NEGR1: variants seen among roughly 807,000 people sequenced by gnomAD.
NEGR1 encodes neuronal growth regulator 1.
Under a neutral mutation model 40.9 loss-of-function variants are expected in NEGR1, and 10 were observed. The ratio of observed to expected loss-of-function variants is 0.24; its 90% CI spans 0.15 to 0.42. The LOEUF (loss-of-function observed/expected upper bound fraction) is 0.42, where lower values mean the gene tolerates loss of function less well. NEGR1 is among the 10% of genes least tolerant of loss of function. The pLI, the probability that NEGR1 is intolerant of heterozygous loss-of-function variation, is 1.00. For synonymous variants in NEGR1, 185 were observed against 166.8 expected (o/e 1.11, Z -0.84); for missense variants, 352 against 438.9 (o/e 0.80, Z 1.77).
At chr1:71,999,448 A>G (rs2630419) in intron 1 of NEGR1, among the ~76,000 whole-genome samples, 37,714 of 150,286 alleles carry the variant, frequency 0.25, 5,453 homozygotes, top group African/African-American at 0.39. Flanking sequence ...AAGAAAGTTA[A>G]ATATATCAGA....
At chr1:71,898,904 T>TATTTGCAAATATATATA (rs1557692721) in intron 2 of NEGR1, among the ~76,000 whole-genome samples, 7 of 135,808 alleles carry the variant, frequency 5.2e-5, no homozygotes, top group African/African-American at 2.0e-4. Flanking sequence ...TGCAAATATA[T>TATTTGCAAATATATATA]ATATATTGCA....
intron 1 of NEGR1, among the ~76,000 whole-genome samples, chr1:72,135,422 C>CAAAAAAAAAAAAAAA (rs71074820): frequency 2.0e-5 from 2 of 102,264 alleles, no homozygotes; most frequent in Non-Finnish European, 3.8e-5. Context: ...AAAACAAAAC[C>CAAAAAAAAAAAAAAA]AAAAAAAAAA....
At chr1:71,552,760 A>G (rs1018391326) in intron 6 of NEGR1, among the ~76,000 whole-genome samples, 2 of 151,234 alleles carry the variant, frequency 1.3e-5, no homozygotes, top group African/African-American at 4.8e-5. Flanking sequence ...CCTGAATAAA[A>G]TCTGGGTTTA....
chr1:72,156,629 T>G (rs1545932), intron 1 of NEGR1, among the ~76,000 whole-genome samples: 6,423 of 152,222 alleles, frequency 0.042, 448 homozygotes, highest in African/African-American at 0.15. Flanking sequence ...TACCATAGTC[T>G]TTTTTCATTC....
intron 1 of NEGR1, among the ~76,000 whole-genome samples, chr1:72,252,758 A>G (rs1294273777): frequency 2.6e-5 from 4 of 152,266 alleles, no homozygotes; most frequent in African/African-American, 9.6e-5. Flanking sequence ...ACCCATGTCC[A>G]TTTGGGGGTA....
intron 1 of NEGR1, among the ~76,000 whole-genome samples, chr1:72,203,717 ATG>A (rs376038593): frequency 1.2e-4 from 18 of 152,208 alleles, no homozygotes; most frequent in East Asian, 1.2e-3. Context: ...GAATCAATTA[ATG>A]TGTCAAACTT....
At chr1:71,491,865 G>C (rs946467429) in intron 6 of NEGR1, among the ~76,000 whole-genome samples, 1 of 152,044 alleles carries the variant, frequency 6.6e-6, no homozygotes, top group East Asian at 1.9e-4. Flanking sequence ...TTGAATGTAC[G>C]TGTCCCTCCA....
chr1:71,780,414 G>A (rs1404187509), intron 2 of NEGR1, among the ~76,000 whole-genome samples: 1 of 152,142 alleles, frequency 6.6e-6, no homozygotes, highest in Non-Finnish European at 1.5e-5. Flanking sequence ...AAAGGCAGAA[G>A]TCCTAGATTT....
chr1:71,916,429 A>C (rs1661586120), intron 2 of NEGR1, among the ~76,000 whole-genome samples: 1 of 152,180 alleles, frequency 6.6e-6, no homozygotes, highest in African/African-American at 2.4e-5. Flanking sequence ...GAAACACTGA[A>C]AATGTAAAGA....
intron 1 of NEGR1, among the ~76,000 whole-genome samples, chr1:72,258,597 G>T (rs954952400): frequency 6.6e-6 from 1 of 151,966 alleles, no homozygotes; most frequent in African/African-American, 2.4e-5. Flanking sequence ...TGGATTCCAC[G>T]GGGCAATTAA....
At position 71,983,864 on chromosome 1, in the gene NEGR1, A is replaced by G. The variant is rs17092028; in HGVS notation, c.177-48553T>C. Among the ~76,000 whole-genome samples, 672 of 152,288 alleles carry G rather than the reference A, an allele frequency of 4.4e-3. 4 individuals carry two copies. The highest frequency in any genetic ancestry group is 0.015 in the African/African-American group (618 of 41,542). On this transcript the variant is annotated intron_variant, in intron 1 of 6. Transcript: ENST00000357731. ...CTTATTTTTTCTATTCATAACTTGA[A>G]AAACTACTCAACATATTTTTTACTA... is the stretch of plus-strand genomic sequence containing the variant.
intron 1 of NEGR1, among the ~76,000 whole-genome samples, chr1:71,999,454 T>A (rs1421350295): frequency 6.6e-6 from 1 of 150,898 alleles, no homozygotes. Flanking sequence ...GTTAAATATA[T>A]CAGAATAAGC....
chr1:71,898,964 CATATATATATATATAGCATATATAT>C (rs1328633790), intron 2 of NEGR1, among the ~76,000 whole-genome samples: 1,049 of 95,924 alleles, frequency 0.011, 45 homozygotes, highest in African/African-American at 0.051. Context: ...ATATATATAG[CATATATATATATATAGCATATATAT>C]ATATATATAT....
At chr1:71,787,766 G>T (rs950862739) in intron 2 of NEGR1, among the ~76,000 whole-genome samples, 2 of 152,180 alleles carry the variant, frequency 1.3e-5, no homozygotes, top group African/African-American at 4.8e-5. Context: ...TTCACCATAT[G>T]CTGAAAGCTC....
chr1:71,870,266 A>C (rs1660241399), intron 2 of NEGR1, among the ~76,000 whole-genome samples: 1 of 152,198 alleles, frequency 6.6e-6, no homozygotes, highest in Non-Finnish European at 1.5e-5. Flanking sequence ...AAACATTTTC[A>C]GATATTAGAA....
chr1:71,897,598 A>G (rs1661008348), intron 2 of NEGR1, among the ~76,000 whole-genome samples: 1 of 152,376 alleles, frequency 6.6e-6, no homozygotes, highest in African/African-American at 2.4e-5. Flanking sequence ...TAGTAGACCC[A>G]CAATTTTAAA....
intron 1 of NEGR1, among the ~76,000 whole-genome samples, chr1:72,110,710 T>C (rs1437688292): frequency 6.6e-6 from 1 of 151,596 alleles, no homozygotes; most frequent in Non-Finnish European, 1.5e-5. Flanking sequence ...TGAACGAACA[T>C]ACTTAGAAAT....
intron 6 of NEGR1, among the ~76,000 whole-genome samples, chr1:71,482,498 A>C (rs114980226): frequency 6.6e-6 from 1 of 151,960 alleles, no homozygotes; most frequent in African/African-American, 2.4e-5. Context: ...TCACCATTTT[A>C]AACAAACCCC....
intron 1 of NEGR1, among the ~76,000 whole-genome samples, chr1:72,051,398 A>G (rs1420668690): frequency 1.3e-5 from 2 of 151,500 alleles, no homozygotes; most frequent in East Asian, 1.9e-4. Context: ...TTCTTTTGGC[A>G]CGATCATCGT....
Sources: allele counts gnomAD v4.1 joint callset (sites outside exome capture counted in the v4.1 genomes callset), GRCh38; gene constraint gnomAD v4.1.1; transcripts MANE v1.5; gene names NCBI Gene and HGNC (gene_info 2026-07-23, HGNC 2026-07-21).